The following RFX3 variants were observed in gnomAD, a reference collection of about 807,000 sequenced individuals.
RFX3 encodes regulatory factor X3.
RFX3 carries 14 observed loss-of-function variants against 98.6 expected under a neutral mutation model. The observed-to-expected ratio is 0.14, with a 90% CI of 0.09 to 0.22. RFX3 has a LOEUF of 0.22. RFX3 is among the 10% of genes least tolerant of loss of function. The pLI is 1.00. For missense variants in RFX3, 639 were observed against 926.9 expected (o/e 0.69, Z 4.03); for synonymous variants, 383 against 328.4 (o/e 1.17, Z -1.80).
intron 1 of RFX3, among the ~76,000 whole-genome samples, chr9:3,426,382 T>C (rs1423701737): frequency 6.6e-6 from 1 of 151,808 alleles, no homozygotes; most frequent in East Asian, 1.9e-4. Flanking sequence ...TATCTGAAAC[T>C]ATAAATAATT....
intron 1 of RFX3, among the ~76,000 whole-genome samples, chr9:3,457,810 T>A (rs527916925): frequency 1.3e-5 from 2 of 152,214 alleles, no homozygotes; most frequent in South Asian, 2.1e-4. Flanking sequence ...TATATGCAAT[T>A]CACCAAACTA....
intron 2 of RFX3, among the ~76,000 whole-genome samples, chr9:3,348,137 C>G (rs1834659686): frequency 6.6e-6 from 1 of 152,132 alleles, no homozygotes. Context: ...ATTACTTATT[C>G]AAGAAACTGG....
At chr9:3,484,656 C>T (rs1271180437) in intron 1 of RFX3, among the ~76,000 whole-genome samples, 2 of 152,164 alleles carry the variant, frequency 1.3e-5, no homozygotes, top group Non-Finnish European at 2.9e-5. Context: ...CTCTGTGTAG[C>T]TTTCTTACTA....
chr9:3,338,819 G>C (rs1332600630), intron 3 of RFX3, among the ~76,000 whole-genome samples: 2 of 152,198 alleles, frequency 1.3e-5, no homozygotes, highest in Non-Finnish European at 2.9e-5. Context: ...GCCAGGCACG[G>C]TGGCTCACGC....
chr9:3,337,179 A>G (rs1481480302), intron 3 of RFX3, among the ~76,000 whole-genome samples: 2 of 152,152 alleles, frequency 1.3e-5, no homozygotes, highest in South Asian at 4.1e-4. Flanking sequence ...CGGAGTTGCA[A>G]TCAGGGCCCA....
At chr9:3,414,745 A>AGTATATGAGTATATAT (rs1842779683) in intron 1 of RFX3, among the ~76,000 whole-genome samples, 1 of 37,488 alleles carries the variant, frequency 2.7e-5, no homozygotes, top group South Asian at 1.4e-3. Context: ...TGTATATATG[A>AGTATATGAGTATATAT]GTATATATGA....
chr9:3,280,538 T>C (rs1286922161), intron 7 of RFX3, among the ~76,000 whole-genome samples: 2 of 151,722 alleles, frequency 1.3e-5, no homozygotes, highest in African/African-American at 4.8e-5. Flanking sequence ...CTCTGAAGTT[T>C]GTGTCTTCCC....
intron 5 of RFX3, among the ~76,000 whole-genome samples, chr9:3,293,928 C>T (rs1260583369): frequency 1.3e-5 from 2 of 152,030 alleles, no homozygotes; most frequent in South Asian, 2.1e-4. Context: ...AATTTTTCTA[C>T]CTCAAAACTG....
intron 1 of RFX3, among the ~76,000 whole-genome samples, chr9:3,504,237 T>TTA (rs1229206912): frequency 2.2e-5 from 3 of 134,500 alleles, no homozygotes; most frequent in Admixed American, 1.7e-4. Flanking sequence ...ATACTATATA[T>TTA]TATATATATA....
chr9:3,311,010 A>G (rs923471728), intron 4 of RFX3, among the ~76,000 whole-genome samples: 1 of 152,202 alleles, frequency 6.6e-6, no homozygotes, highest in African/African-American at 2.4e-5. Flanking sequence ...GGCAATAAAA[A>G]GTTTTAACTA....
chr9:3,407,376 T>C (rs1842063586), intron 1 of RFX3, among the ~76,000 whole-genome samples: 1 of 152,124 alleles, frequency 6.6e-6, no homozygotes, highest in African/African-American at 2.4e-5. Context: ...TATTATCCCA[T>C]TTATTATGGA....
chr9:3,497,784 T>G (rs1851217144), intron 1 of RFX3, among the ~76,000 whole-genome samples: 1 of 152,044 alleles, frequency 6.6e-6, no homozygotes, highest in South Asian at 2.1e-4. Flanking sequence ...TGATTTTACC[T>G]TTAGCTGAAG....
intron 4 of RFX3, among the ~76,000 whole-genome samples, chr9:3,312,504 C>T (rs960049212): frequency 6.6e-6 from 1 of 151,828 alleles, no homozygotes; most frequent in Non-Finnish European, 1.5e-5. Flanking sequence ...AAATACATTA[C>T]TTCCACAGCA....
intron 2 of RFX3, among the ~76,000 whole-genome samples, chr9:3,355,010 T>A: frequency 6.6e-6 from 1 of 151,840 alleles, no homozygotes; most frequent in East Asian, 1.9e-4. Context: ...TTTTATAATA[T>A]TCATATATAT....
intron 2 of RFX3, among the ~76,000 whole-genome samples, chr9:3,350,845 A>G (rs1264160804): frequency 6.6e-6 from 1 of 152,110 alleles, no homozygotes; most frequent in Non-Finnish European, 1.5e-5. Context: ...TAATCTGAAA[A>G]GGTTACATAC....
chr9:3,248,365 A>G lies in RFX3; in HGVS notation c.1815-180T>C, dbSNP rs574336047. Among the ~76,000 whole-genome samples, 3 of 152,366 alleles carry G rather than the reference A, an allele frequency of 2.0e-5. No individual in the cohort carries two copies. In the South Asian group the frequency reaches 6.2e-4, roughly 32 times the overall value. The stretch of plus-strand genomic sequence containing the variant: ...TGCAACTCATTTAAATAGAATGATA[A>G]AGAGGTAATCCTCACGGAGACTTGA... On this transcript the variant is annotated intron_variant, in intron 14 of 16. Coordinates refer to ENST00000617270, the MANE Select transcript of RFX3 (RefSeq NM_001282116.2).
At position 3,218,779 on chromosome 9, in the gene RFX3, T is replaced by C. The variant is rs1479833933; in HGVS notation, c.*6263A>G. On this transcript the variant is annotated 3_prime_UTR_variant, in exon 17 of 17. Transcript: ENST00000617270. The stretch of plus-strand genomic sequence containing the variant: ...CTCTACAAAAGTTGCTTACCTCATT[T>C]ACATAATATATTCAGTCGATTGTAA... The C allele has an allele frequency of 6.6e-6, 1 of 152,214 alleles. No individual in the cohort carries two copies. Among genetic ancestry groups the C allele is most frequent in the African/African-American group, 2.4e-5 (1 of 41,470 alleles). The allele number at this position is 152,214 out of a possible 1,614,324, so 9.4% of individuals were successfully genotyped here. A position where few individuals can be genotyped will look rare whatever the true frequency, so the allele number is the denominator to read the frequency against.
intron 4 of RFX3, among the ~76,000 whole-genome samples, chr9:3,307,617 T>C (rs2986696): frequency 6.6e-6 from 1 of 152,096 alleles, no homozygotes; most frequent in Non-Finnish European, 1.5e-5. Flanking sequence ...ATGAACACAA[T>C]GGCCTTTATT....
intron 15 of RFX3, among the ~76,000 whole-genome samples, chr9:3,237,506 A>C (rs1017944900): frequency 6.6e-6 from 1 of 152,192 alleles, no homozygotes; most frequent in Non-Finnish European, 1.5e-5. Context: ...TCAATGCAGA[A>C]TTGGTATTTA....
Sources: gnomAD v4.1 joint callset for allele counts (sites outside exome capture counted in the v4.1 genomes callset) on GRCh38, gnomAD v4.1.1 for gene constraint, MANE v1.5 for transcripts, NCBI Gene and HGNC (gene_info 2026-07-23, HGNC 2026-07-21) for gene names.